Variants in TMEM268 observed in about 807,000 individuals in gnomAD.
The protein encoded by TMEM268 is transmembrane protein C9orf91.
TMEM268 carries 24 observed loss-of-function variants against 39.1 expected under a neutral mutation model. The observed-to-expected ratio is 0.61, with a 90% CI of 0.44 to 0.86. The LOEUF (loss-of-function observed/expected upper bound fraction) is 0.86. Among genes scored for constraint, TMEM268 ranks in the 40% least tolerant of loss-of-function variants. The probability of loss-of-function intolerance (pLI) is 0.00; values close to 1 mark genes in which losing one functional copy is unlikely to be tolerated. For synonymous variants in TMEM268, 176 were observed against 173.5 expected (o/e 1.01, Z -0.12); for missense variants, 409 against 428.6 (o/e 0.95, Z 0.40).
intron 5 of TMEM268, among the ~76,000 whole-genome samples, chr9:114,631,290 A>AAAAAAAAAAAAAAAG (rs1846385339): frequency 1.2e-3 from 29 of 23,922 alleles, no homozygotes; most frequent in Non-Finnish European, 2.2e-3. Flanking sequence ...CTCAAAAAAA[A>AAAAAAAAAAAAAAAG]AAAAAAAAAA....
At position 114,626,898 on chromosome 9, in the gene TMEM268, G is replaced by C. The variant is rs1846183864; in HGVS notation, c.217-1G>C. 6.2e-7 allele frequency: 1 copy of C among 1,605,664 alleles called. No individual in the cohort carries two copies. The highest frequency in any genetic ancestry group is 8.5e-7 in the Non-Finnish European group (1 of 1,172,954). ...GATCTCTTTCCCTGGGTTCCAAGCA[G>C]GTCCCGGCTGACCAGTACAGGAGCT... On this transcript the variant is annotated splice_acceptor_variant, in intron 3 of 8. Coordinates refer to ENST00000288502, the MANE Select transcript of TMEM268 (RefSeq NM_153045.4). LOFTEE classifies it high-confidence loss of function.
upstream of TMEM268, among the ~76,000 whole-genome samples, chr9:114,607,243 G>T (rs1042745050): frequency 6.6e-6 from 1 of 152,214 alleles, no homozygotes; most frequent in Non-Finnish European, 1.5e-5. Context: ...TAGGGGCAGG[G>T]GGATAGCTAT....
At chr9:114,634,478 G>A (rs902834532) in intron 6 of TMEM268, among the ~76,000 whole-genome samples, 4 of 152,116 alleles carry the variant, frequency 2.6e-5, no homozygotes, top group African/African-American at 7.2e-5. Context: ...CCGAAGGTTG[G>A]GGGGAGATCT....
In TMEM268 at chr9:114,628,119, T is replaced by C; in HGVS notation, c.343T>C (p.Trp115Arg). The C allele has an allele frequency of 6.2e-7, 1 of 1,614,012 alleles. No individual in the cohort carries two copies. Among genetic ancestry groups the C allele is most frequent in the Non-Finnish European group, 8.5e-7 (1 of 1,179,910 alleles). ...CTTGCAGGTTTTCTATGTGGTGGTG[T>C]GGGCCAATATCTACTCTACCAGTCA... ...AFAVVFYVVVWANIYSTSQMF... is the reference protein window; with the variant it reads ...AFAVVFYVVVRANIYSTSQMF... Residue 115 changes from tryptophan (W) to arginine (R), a missense_variant, in exon 5 of 9, where the codon TGG becomes CGG. Physicochemically the swap from Trp to Arg is moderately radical, Grantham distance 101. Transcript: ENST00000288502.
In TMEM268 at chr9:114,632,142, G is replaced by A. The variant is rs143780735; in HGVS notation, c.475-1626G>A. Among the ~76,000 whole-genome samples the A allele has an allele frequency of 4.9e-3, 732 of 150,730 alleles. 11 individuals are homozygous for A. Among genetic ancestry groups the A allele is most frequent in the African/African-American group, 0.017 (700 of 40,940 alleles). On this transcript the variant is annotated intron_variant, in intron 5 of 8. Transcript: ENST00000288502. ...ATCACTTTAGGTATAAATGTAAACT[G>A]GAGTTAGGTTGGCTGACCAGAGAAT...
chr9:114,613,963 A>T (rs1290594980), intron 1 of TMEM268, among the ~76,000 whole-genome samples: 1 of 152,084 alleles, frequency 6.6e-6, no homozygotes, highest in Non-Finnish European at 1.5e-5. Context: ...TTCTCCTGTA[A>T]AATAGGAAAA....
At chr9:114,604,585 C>CAAA in the TMEM268 span, among the ~76,000 whole-genome samples, 38 of 81,336 alleles carry the variant, frequency 4.7e-4, no homozygotes, top group African/African-American at 9.8e-4. Context: ...GACTCCGTCT[C>CAAA]AAAAAAAAAA....
At chr9:114,632,500 C>A (rs1371048305) in intron 5 of TMEM268, among the ~76,000 whole-genome samples, 3 of 152,184 alleles carry the variant, frequency 2.0e-5, no homozygotes, top group Admixed American at 2.0e-4. Flanking sequence ...CATTTGGGGT[C>A]CTCTTGTCCC....
At chr9:114,616,120 A>G (rs1471454556) in intron 1 of TMEM268, among the ~76,000 whole-genome samples, 6 of 137,428 alleles carry the variant, frequency 4.4e-5, no homozygotes, top group African/African-American at 8.4e-5. Flanking sequence ...GGTTCACGCC[A>G]TTCTCCTGCC....
At chr9:114,637,107 A>G (rs765754022) in intron 7 of TMEM268, 37 bp downstream of exon 7, 5 of 1,363,550 alleles carry the variant, frequency 3.7e-6, no homozygotes, top group Non-Finnish European at 5.2e-6. Flanking sequence ...AACAAAAACC[A>G]GGAGGCCAAG....
Position 114,617,136 on chromosome 9 carries a change from G to A in TMEM268, c.-60G>A. 8.8e-7 allele frequency: 1 copy of A among 1,134,814 alleles called. No individual in the cohort carries two copies. Among genetic ancestry groups the A allele is most frequent in the South Asian group, 1.4e-5 (1 of 72,510 alleles). 70.3% of individuals were successfully genotyped at this position (1,134,814 alleles called of 1,614,324 possible). A position where few individuals can be genotyped will look rare whatever the true frequency, so the allele number is the denominator to read the frequency against. ...TCTGAAGGCATATGATGCTGAGCTG[G>A]CTGCTCCAGAATGAACCACAGCTCT... On this transcript the variant is annotated 5_prime_UTR_variant, in exon 2 of 9. It introduces an in-frame stop codon into an upstream open reading frame of the 5' UTR. Coordinates refer to ENST00000288502, the MANE Select transcript of TMEM268 (RefSeq NM_153045.4).
chr9:114,614,110 C>T (rs941183582), intron 1 of TMEM268, among the ~76,000 whole-genome samples: 3 of 152,144 alleles, frequency 2.0e-5, no homozygotes, highest in Admixed American at 6.5e-5. Context: ...CAGCAAGGTT[C>T]GGGTTGTTAA....
chr9:114,610,738 A>C (rs1845457350), upstream of TMEM268, among the ~76,000 whole-genome samples: 1 of 152,124 alleles, frequency 6.6e-6, no homozygotes, highest in African/African-American at 2.4e-5. Flanking sequence ...CACACACACT[A>C]TCTCATTAAA....
chr9:114,643,242 A>G lies in TMEM268; in HGVS notation c.958A>G (p.Ile320Val). The G allele has an allele frequency of 6.2e-7, 1 of 1,614,200 alleles. No homozygotes were observed. The highest frequency in any genetic ancestry group is 8.5e-7 in the Non-Finnish European group (1 of 1,180,012). Residue 320 changes from isoleucine to valine, a missense_variant, in exon 9 of 9, where the codon ATT becomes GTT. Transcript: ENST00000288502. ...MGTRHTNSPRIPCPCQLIEAY... is the reference protein window; with the variant it reads ...MGTRHTNSPRVPCPCQLIEAY... Reference sequence around the variant, plus strand: ...GACACGACACACGAACTCTCCGAGAATTCCATGCCCCTGCCAGCTCATAGA... The same window carrying G: ...GACACGACACACGAACTCTCCGAGAGTTCCATGCCCCTGCCAGCTCATAGA...
chr9:114,629,238 A>T (rs1846289371), intron 5 of TMEM268, among the ~76,000 whole-genome samples: 1 of 152,270 alleles, frequency 6.6e-6, no homozygotes, highest in Non-Finnish European at 1.5e-5. Flanking sequence ...CCAGTTCTGT[A>T]GGTTAGATAT....
upstream of TMEM268, among the ~76,000 whole-genome samples, chr9:114,606,716 GGTCT>G (rs752078257): frequency 4.8e-4 from 71 of 147,228 alleles, no homozygotes; most frequent in Non-Finnish European, 7.3e-4. Context: ...TTTAAACCCA[GGTCT>G]GTCTGAGTTC....
intron 2 of TMEM268, 98 bp downstream of exon 2, chr9:114,617,399 T>G (rs1448011825): frequency 2.8e-5 from 26 of 914,312 alleles, no homozygotes; most frequent in Non-Finnish European, 4.4e-5. Flanking sequence ...CAGGGGGAGG[T>G]GTCTTTGAGG....
chr9:114,639,097 C>A (rs1282302594), intron 8 of TMEM268, among the ~76,000 whole-genome samples: 1 of 152,098 alleles, frequency 6.6e-6, no homozygotes. Flanking sequence ...AACCATTCAT[C>A]CATCTACTTT....
chr9:114,633,977 C>A, intron 6 of TMEM268, 99 bp downstream of exon 6: 1 of 618,836 alleles, frequency 1.6e-6, no homozygotes, highest in Non-Finnish European at 2.8e-6. Flanking sequence ...ACAGTGTTTG[C>A]AGTAGTCTGC....
Sources: gnomAD v4.1 joint callset for allele counts (sites outside exome capture counted in the v4.1 genomes callset) on GRCh38, gnomAD v4.1.1 for gene constraint, MANE v1.5 for transcripts, NCBI Gene and HGNC (gene_info 2026-07-23, HGNC 2026-07-21) for gene names.